Variants in PBX3 observed in about 807,000 individuals in gnomAD.
The protein encoded by PBX3 is pre-B-cell leukemia transcription factor 3.
Under a neutral mutation model 48.5 loss-of-function variants are expected in PBX3, and 14 were observed. The observed-to-expected ratio is 0.29, with a 90% CI of 0.19 to 0.45. The LOEUF is 0.45. Ranked by LOEUF, PBX3 falls within the 20% of genes least tolerant of loss-of-function variation. The probability of loss-of-function intolerance (pLI) is 1.00; values close to 1 mark genes in which losing one functional copy is unlikely to be tolerated. For synonymous variants in PBX3, 210 were observed against 200.3 expected (o/e 1.05, Z -0.41); for missense variants, 386 against 546.7 (o/e 0.71, Z 2.93).
chr9:125,820,897 C>T (rs1291431879), intron 2 of PBX3, among the ~76,000 whole-genome samples: 1 of 152,052 alleles, frequency 6.6e-6, no homozygotes, highest in African/African-American at 2.4e-5. Context: ...ATGTTTTGTT[C>T]AGTCTTTTTA....
At chr9:125,777,428 T>C (rs1337051703) in intron 2 of PBX3, among the ~76,000 whole-genome samples, 1 of 151,566 alleles carries the variant, frequency 6.6e-6, no homozygotes, top group Non-Finnish European at 1.5e-5. Flanking sequence ...TGATCTGGGC[T>C]CACTGCAACC....
intron 5 of PBX3, among the ~76,000 whole-genome samples, chr9:125,951,391 T>A (rs1032803144): frequency 9.2e-5 from 14 of 152,144 alleles, no homozygotes; most frequent in Admixed American, 3.9e-4. Flanking sequence ...CACCTCCTTT[T>A]CCCTTCTTGC....
At chr9:125,927,822 T>G (rs941225220) in intron 3 of PBX3, among the ~76,000 whole-genome samples, 1 of 152,126 alleles carries the variant, frequency 6.6e-6, no homozygotes, top group African/African-American at 2.4e-5. Flanking sequence ...GAGGATCTCT[T>G]TAGGCCAAGA....
intron 2 of PBX3, among the ~76,000 whole-genome samples, chr9:125,853,105 A>G (rs1333362196): frequency 6.6e-6 from 1 of 152,168 alleles, no homozygotes; most frequent in Non-Finnish European, 1.5e-5. Flanking sequence ...TGGCCCACCC[A>G]GAGATTATAC....
chr9:125,841,713 T>C (rs185243404), intron 2 of PBX3, among the ~76,000 whole-genome samples: 122 of 152,276 alleles, frequency 8.0e-4, no homozygotes, highest in African/African-American at 2.7e-3. Flanking sequence ...AGAATGCTGT[T>C]GAATGGGCAG....
chr9:125,899,487 A>AGAGC lies in PBX3; in HGVS notation c.275-16198_275-16197insAGCG, dbSNP rs1554726038. 1.3e-3 allele frequency among the ~76,000 whole-genome samples: 154 copies of AGAGC among 123,082 alleles called. 4 individuals carry two copies. Among genetic ancestry groups the AGAGC allele is most frequent in the Admixed American group, 2.4e-3 (29 of 12,080 alleles). The allele number at this position is 123,082 out of a possible 152,430, so 80.7% of individuals were successfully genotyped here. A position where few individuals can be genotyped will look rare whatever the true frequency, so the allele number is the denominator to read the frequency against. On this transcript the variant is annotated intron_variant, in intron 2 of 8. Transcript: ENST00000373489. ...GAGAGAGAGAGAGAGAGAGAGAGAG[A>AGAGC]GCTCACCCACAGGCAGGGGAGGTTA... is the stretch of plus-strand genomic sequence containing the variant.
intron 6 of PBX3, among the ~76,000 whole-genome samples, chr9:125,961,652 CAG>C (rs1156463022): frequency 1.3e-5 from 2 of 151,898 alleles, no homozygotes; most frequent in Non-Finnish European, 2.9e-5. Flanking sequence ...CACATAAAAA[CAG>C]ATGAAAGGAG....
chr9:125,918,379 A>ATTGTT (rs892929846), intron 3 of PBX3, among the ~76,000 whole-genome samples: 62 of 151,890 alleles, frequency 4.1e-4, no homozygotes, highest in African/African-American at 1.4e-3. Flanking sequence ...GTTTTTTTTT[A>ATTGTT]TTGTTTTGTT....
rs186189849 is a variant in PBX3 at position 125,856,674 on chromosome 9, G to C, written c.275-59012G>C. Among the ~76,000 whole-genome samples the C allele has an allele frequency of 5.2e-3, 797 of 152,318 alleles. 5 individuals are homozygous for C. Among genetic ancestry groups the C allele is most frequent in the African/African-American group, 0.018 (746 of 41,568 alleles). ...TAAAGCTGTAACATTGTTTCTGTCA[G>C]TTGTTTGGTTTGATGTCACTGTTAG... On this transcript the variant is annotated intron_variant, in intron 2 of 8. Coordinates refer to ENST00000373489, the MANE Select transcript of PBX3 (RefSeq NM_006195.6).
At chr9:125,920,105 A>C (rs1431703786) in intron 3 of PBX3, among the ~76,000 whole-genome samples, 1 of 152,188 alleles carries the variant, frequency 6.6e-6, no homozygotes, top group African/African-American at 2.4e-5. Context: ...ACCCAAAAGG[A>C]AACAAAACTA....
chr9:125,824,821 C>CA (rs1191658760), intron 2 of PBX3, among the ~76,000 whole-genome samples: 1 of 151,626 alleles, frequency 6.6e-6, no homozygotes, highest in East Asian at 1.9e-4. Flanking sequence ...TGTTATGTAA[C>CA]AATAACGATA....
intron 2 of PBX3, among the ~76,000 whole-genome samples, chr9:125,863,137 A>G (rs1839902506): frequency 6.6e-6 from 1 of 151,188 alleles, no homozygotes; most frequent in South Asian, 2.1e-4. Flanking sequence ...GGTTCCAGTG[A>G]TCTGCTTGCT....
At chr9:125,962,265 CA>C in intron 7 of PBX3, 51 bp downstream of exon 7, 2 of 1,040,604 alleles carry the variant, frequency 1.9e-6, no homozygotes, top group Non-Finnish European at 3.0e-6. Context: ...GGTTTGGGCT[CA>C]AAACTCCTTC....
intron 2 of PBX3, among the ~76,000 whole-genome samples, chr9:125,806,054 C>A (rs941839571): frequency 2.0e-5 from 3 of 152,068 alleles, no homozygotes; most frequent in African/African-American, 7.3e-5. Context: ...TGGAGAAAAA[C>A]AAGGAAGTGT....
At chr9:125,866,541 T>A (rs1839985396) in intron 2 of PBX3, among the ~76,000 whole-genome samples, 1 of 152,180 alleles carries the variant, frequency 6.6e-6, no homozygotes, top group African/African-American at 2.4e-5. Flanking sequence ...CAAAGACATC[T>A]CTCTGCCTAG....
At chr9:125,874,843 C>T (rs1377709801) in intron 2 of PBX3, among the ~76,000 whole-genome samples, 1 of 152,014 alleles carries the variant, frequency 6.6e-6, no homozygotes, top group Non-Finnish European at 1.5e-5. Context: ...AGGTAGATAC[C>T]CTAGAGAAAA....
intron 2 of PBX3, among the ~76,000 whole-genome samples, chr9:125,854,059 G>A (rs1588221932): frequency 6.6e-6 from 1 of 151,930 alleles, no homozygotes; most frequent in African/African-American, 2.4e-5. Context: ...CACTGTAATC[G>A]GAATCTCTGG....
At chr9:125,908,872 C>T (rs7021260) in intron 2 of PBX3, among the ~76,000 whole-genome samples, 111,551 of 151,988 alleles carry the variant, frequency 0.73, 41,350 homozygotes, top group African/African-American at 0.81. Flanking sequence ...TTCCTTTTTT[C>T]CCACTACTTG....
At position 125,751,490 on chromosome 9, in the gene PBX3, C is replaced by T. The variant is rs941154643; in HGVS notation, c.274+2867C>T. Among the ~76,000 whole-genome samples, 12 of 152,246 alleles carry T rather than the reference C, an allele frequency of 7.9e-5. No individual in the cohort carries two copies. In the East Asian group the frequency reaches 1.2e-3, roughly 15 times the overall value. The stretch of plus-strand genomic sequence containing the variant: ...TTCTGACAGATAAATGGGTAATCTA[C>T]TACAATTATATTATTTTCTTGTTGA... On this transcript the variant is annotated intron_variant, in intron 2 of 8. Transcript: ENST00000373489.
Sources: gnomAD v4.1 joint callset for allele counts (sites outside exome capture counted in the v4.1 genomes callset) on GRCh38, gnomAD v4.1.1 for gene constraint, MANE v1.5 for transcripts, NCBI Gene and HGNC (gene_info 2026-07-23, HGNC 2026-07-21) for gene names.